The following NRG3 variants were observed in gnomAD, a reference collection of about 807,000 sequenced individuals.
NRG3 encodes the protein neuregulin 3.
In NRG3, 31 loss-of-function variants were observed where a neutral mutation model predicts 66.9. That is an observed-to-expected ratio of 0.46 (90% CI 0.35 to 0.63). The LOEUF (loss-of-function observed/expected upper bound fraction) is 0.63, where lower values mean the gene tolerates loss of function less well. Ranked by LOEUF, NRG3 falls within the 20% of genes least tolerant of loss-of-function variation. The probability of loss-of-function intolerance (pLI) is 0.00; values close to 1 mark genes in which losing one functional copy is unlikely to be tolerated. For synonymous variants in NRG3, 393 were observed against 359.4 expected, an observed-to-expected ratio of 1.09 and a Z score of -1.06; for missense variants, 910 against 878.9, an observed-to-expected ratio of 1.04 and a Z score of -0.45.
At chr10:82,970,279 C>T (rs1159025024) in intron 6 of NRG3, among the ~76,000 whole-genome samples, 1 of 152,142 alleles carries the variant, frequency 6.6e-6, no homozygotes, top group African/African-American at 2.4e-5. Flanking sequence ...TTTCCTTTAT[C>T]AGATATTCTT....
intron 1 of NRG3, among the ~76,000 whole-genome samples, chr10:82,241,066 C>T (rs1347000217): frequency 2.0e-5 from 3 of 151,938 alleles, no homozygotes; most frequent in Non-Finnish European, 2.9e-5. Flanking sequence ...AATAAGAAAC[C>T]TGCTGATTCT....
chr10:82,647,631 AG>A (rs1239232261), intron 2 of NRG3, among the ~76,000 whole-genome samples: 1 of 150,826 alleles, frequency 6.6e-6, no homozygotes, highest in Non-Finnish European at 1.5e-5. Flanking sequence ...ACAGTGTAAA[AG>A]TGTTCCTATT....
At chr10:82,314,924 T>C in intron 1 of NRG3, among the ~76,000 whole-genome samples, 1 of 152,220 alleles carries the variant, frequency 6.6e-6, no homozygotes, top group Admixed American at 6.5e-5. Flanking sequence ...CCATTGGTTA[T>C]GTCACTCTTA....
chr10:82,435,710 G>A (rs951794035), intron 2 of NRG3, among the ~76,000 whole-genome samples: 1 of 151,380 alleles, frequency 6.6e-6, no homozygotes, highest in African/African-American at 2.4e-5. Context: ...ATTTACCCAG[G>A]AGTCATTCAG....
At chr10:82,252,758 A>G (rs1315871028) in intron 1 of NRG3, among the ~76,000 whole-genome samples, 1 of 152,148 alleles carries the variant, frequency 6.6e-6, no homozygotes, top group East Asian at 1.9e-4. Context: ...GGAGAGTATA[A>G]TCAGTACCAA....
intron 1 of NRG3, among the ~76,000 whole-genome samples, chr10:82,180,660 A>G (rs764199440): frequency 6.6e-6 from 1 of 151,724 alleles, no homozygotes; most frequent in Non-Finnish European, 1.5e-5. Context: ...TTTTGTTGAG[A>G]TTTTTACATG....
intron 3 of NRG3, among the ~76,000 whole-genome samples, chr10:82,816,654 C>T (rs2061718372): frequency 6.6e-6 from 1 of 152,122 alleles, no homozygotes; most frequent in African/African-American, 2.4e-5. Flanking sequence ...GCCTGTCTGC[C>T]TCCTACTTCC....
chr10:81,950,169 T>A (rs1849220031), intron 1 of NRG3, among the ~76,000 whole-genome samples: 1 of 152,080 alleles, frequency 6.6e-6, no homozygotes, highest in Non-Finnish European at 1.5e-5. Flanking sequence ...TTTTATTCAA[T>A]GAGATTTGAC....
chr10:82,357,730 A>G (rs2083874206), intron 1 of NRG3, among the ~76,000 whole-genome samples: 1 of 152,182 alleles, frequency 6.6e-6, no homozygotes, highest in African/African-American at 2.4e-5. Flanking sequence ...TTCAAATATC[A>G]TCAACATATG....
At chr10:82,667,655 C>T (rs1214461072) in intron 2 of NRG3, among the ~76,000 whole-genome samples, 2 of 152,100 alleles carry the variant, frequency 1.3e-5, no homozygotes, top group Admixed American at 1.3e-4. Context: ...GGGGCACCCC[C>T]AGCCAAGTGA....
intron 4 of NRG3, among the ~76,000 whole-genome samples, chr10:82,945,530 G>A (rs1013077193): frequency 6.6e-6 from 1 of 152,162 alleles, no homozygotes; most frequent in Non-Finnish European, 1.5e-5. Context: ...CCAGCATCTG[G>A]TGAGGGCAGT....
At chr10:82,039,570 T>C (rs902723882) in intron 1 of NRG3, among the ~76,000 whole-genome samples, 6 of 152,104 alleles carry the variant, frequency 3.9e-5, no homozygotes, top group African/African-American at 1.4e-4. Flanking sequence ...GGCATGATAT[T>C]TTCTCTTTAG....
chr10:82,036,888 C>T (rs1005847496), intron 1 of NRG3, among the ~76,000 whole-genome samples: 10 of 152,102 alleles, frequency 6.6e-5, no homozygotes, highest in South Asian at 2.1e-4. Context: ...CACTGTTTAA[C>T]GAACAGGTCT....
intron 1 of NRG3, among the ~76,000 whole-genome samples, chr10:81,947,501 C>A (rs939620554): frequency 2.6e-5 from 4 of 152,088 alleles, no homozygotes; most frequent in African/African-American, 9.7e-5. Context: ...AATAGCAGGG[C>A]CTCACTCTCC....
At chr10:82,980,716 C>G (rs575758895) in intron 8 of NRG3, among the ~76,000 whole-genome samples, 5 of 152,206 alleles carry the variant, frequency 3.3e-5, no homozygotes, top group African/African-American at 1.2e-4. Flanking sequence ...TGAAGCAATT[C>G]CAAATGGACT....
At chr10:82,193,124 C>T (rs915350593) in intron 1 of NRG3, among the ~76,000 whole-genome samples, 1 of 152,070 alleles carries the variant, frequency 6.6e-6, no homozygotes, top group Admixed American at 6.6e-5. Flanking sequence ...TGGTGCACGA[C>T]AGTGACATAA....
At chr10:82,061,809 T>G (rs1164908302) in intron 1 of NRG3, among the ~76,000 whole-genome samples, 1 of 151,802 alleles carries the variant, frequency 6.6e-6, no homozygotes, top group African/African-American at 2.4e-5. Context: ...CTCCCTCCTT[T>G]CCTTCTGTTC....
At chr10:81,965,298 A>T (rs561953864) in intron 1 of NRG3, among the ~76,000 whole-genome samples, 1 of 152,314 alleles carries the variant, frequency 6.6e-6, no homozygotes, top group South Asian at 2.1e-4. Flanking sequence ...CCATCTTTCT[A>T]TCTACTACTT....
At chr10:82,244,151 T>C (rs1490057349) in intron 1 of NRG3, among the ~76,000 whole-genome samples, 1 of 152,192 alleles carries the variant, frequency 6.6e-6, no homozygotes, top group African/African-American at 2.4e-5. Context: ...TGATTTTTTT[T>C]CCTTTGTCCT....
Sources: gnomAD v4.1 joint callset for allele counts (sites outside exome capture counted in the v4.1 genomes callset) on GRCh38, gnomAD v4.1.1 for gene constraint, MANE v1.5 for transcripts, NCBI Gene and HGNC (gene_info 2026-07-23, HGNC 2026-07-21) for gene names.